The following TFCP2L1 variants were observed in gnomAD, a reference collection of about 807,000 sequenced individuals.
TFCP2L1 encodes the protein transcription factor CP2-like protein 1.
TFCP2L1 carries 12 observed loss-of-function variants against 72.2 expected under a neutral mutation model. The observed-to-expected ratio is 0.17, with a 90% CI of 0.11 to 0.27. The LOEUF (loss-of-function observed/expected upper bound fraction) is 0.27. TFCP2L1 is among the 10% of genes least tolerant of loss of function. TFCP2L1 has a pLI of 1.00. For synonymous variants in TFCP2L1, 260 were observed against 251.0 expected, an observed-to-expected ratio of 1.04 and a Z score of -0.34; for missense variants, 488 against 624.6, an observed-to-expected ratio of 0.78 and a Z score of 2.33.
At chr2:121,264,202 TTCCACTTGCTCATA>T (rs1378604210) in intron 2 of TFCP2L1, among the ~76,000 whole-genome samples, 2 of 152,154 alleles carry the variant, frequency 1.3e-5, no homozygotes, top group African/African-American at 4.8e-5. Context: ...GCCACTGGCT[TTCCACTTGCTCATA>T]TCCAACCCCC....
chr2:121,275,559 G>C (rs1411628037), intron 2 of TFCP2L1, among the ~76,000 whole-genome samples: 1 of 147,006 alleles, frequency 6.8e-6, no homozygotes, highest in Non-Finnish European at 1.5e-5. Flanking sequence ...AAAAAGTATA[G>C]AAGTAAGTCT....
intron 2 of TFCP2L1, among the ~76,000 whole-genome samples, chr2:121,273,714 G>A (rs1476561819): frequency 6.6e-6 from 1 of 152,190 alleles, no homozygotes; most frequent in South Asian, 2.1e-4. Flanking sequence ...CAAGGAAGGG[G>A]AGAGGACCTG....
intron 11 of TFCP2L1, among the ~76,000 whole-genome samples, chr2:121,234,595 C>T (rs575590855): frequency 1.8e-4 from 27 of 152,336 alleles, no homozygotes; most frequent in African/African-American, 6.3e-4. Context: ...CTTCACTGCA[C>T]AGCACCTAAG....
At chr2:121,248,415 C>T (rs560744400) in intron 4 of TFCP2L1, 145 bp from the exon 5 acceptor site, 27 of 631,818 alleles carry the variant, frequency 4.3e-5, no homozygotes, top group Admixed American at 2.6e-4. Context: ...ACTTACTGGA[C>T]GGAAAGCCTG....
At chr2:121,248,905 G>GTATCATTAAAAA in intron 4 of TFCP2L1, 77 bp downstream of exon 4, 1 of 1,193,070 alleles carries the variant, frequency 8.4e-7, no homozygotes, top group South Asian at 1.6e-5. Flanking sequence ...GCATAGGTCC[G>GTATCATTAAAAA]GGTGGCATCC....
chr2:121,236,073 T>C (rs1338857785), intron 10 of TFCP2L1, among the ~76,000 whole-genome samples: 1 of 152,222 alleles, frequency 6.6e-6, no homozygotes, highest in Non-Finnish European at 1.5e-5. Flanking sequence ...GGTGCATTTG[T>C]GTGGAATGTA....
At chr2:121,274,372 A>G (rs796167621) in intron 2 of TFCP2L1, among the ~76,000 whole-genome samples, 11 of 152,304 alleles carry the variant, frequency 7.2e-5, no homozygotes, top group African/African-American at 2.4e-4. Context: ...ACGTGACCCC[A>G]CATATTGTCC....
chr2:121,266,461 A>G (rs116215214), intron 2 of TFCP2L1, among the ~76,000 whole-genome samples: 2,662 of 152,230 alleles, frequency 0.017, 71 homozygotes, highest in African/African-American at 0.062. Context: ...AAAGTTTATT[A>G]AACCAGGGTC....
intron 2 of TFCP2L1, among the ~76,000 whole-genome samples, chr2:121,267,559 T>C (rs1216156782): frequency 6.6e-6 from 1 of 151,820 alleles, no homozygotes; most frequent in Non-Finnish European, 1.5e-5. Flanking sequence ...AGTGGCGCGA[T>C]CTCGACTCAC....
rs573492602 is a variant in TFCP2L1 at position 121,237,924 on chromosome 2, C to T, written c.861-74G>A. ...AATGGCCACGGTCCCGGCACCCAGC[C>T]TGGCACTTTTACTTCCTATCAGATG... On this transcript the variant is annotated intron_variant, in intron 8 of 14. Transcript: ENST00000263707. 2.0e-6 allele frequency: 3 copies of T among 1,524,176 alleles called. No individual in the cohort carries two copies. The South Asian group carries it at 3.5e-5, about 18-fold the overall frequency. The allele number at this position is 1,524,176 out of a possible 1,614,324, so 94.4% of individuals were successfully genotyped here. A position where few individuals can be genotyped will look rare whatever the true frequency, so the allele number is the denominator to read the frequency against.
Position 121,221,805 on chromosome 2 carries a change from A to G in TFCP2L1, c.*2536T>C, listed in dbSNP as rs1260221473. On this transcript the variant is annotated 3_prime_UTR_variant, in exon 15 of 15. Coordinates refer to ENST00000263707, the MANE Select transcript of TFCP2L1 (RefSeq NM_014553.3). ...TTGTGTCTCAAAGGACACCAACAAG[A>G]AACTGAAAACAATCCACAGAAGGGG... 2.6e-5 allele frequency: 4 copies of G among 152,242 alleles called. No individual in the cohort carries two copies. The highest frequency in any genetic ancestry group is 2.6e-4 in the Admixed American group (4 of 15,292). The allele number at this position is 152,242 out of a possible 1,614,324, so 9.4% of individuals were successfully genotyped here.
rs188320265 is a variant in TFCP2L1 at position 121,266,976 on chromosome 2, G to A, written c.214+14144C>T. Among the ~76,000 whole-genome samples, 293 of 151,822 alleles carry A rather than the reference G, an allele frequency of 1.9e-3. 1 individual carries two copies. Among genetic ancestry groups the A allele is most frequent in the African/African-American group, 6.8e-3 (282 of 41,386 alleles). On this transcript the variant is annotated intron_variant, in intron 2 of 14. Coordinates refer to ENST00000263707, the MANE Select transcript of TFCP2L1 (RefSeq NM_014553.3). ...TGCTCAGACTGGAGTGCAGTGGCAT[G>A]AGCTTTGCTCACGGCAATCTCTGCC...
At position 121,224,174 on chromosome 2, in the gene TFCP2L1, G is replaced by A. The variant is rs746506314; in HGVS notation, c.*167C>T. On this transcript the variant is annotated 3_prime_UTR_variant, in exon 15 of 15. Coordinates refer to ENST00000263707, the MANE Select transcript of TFCP2L1 (RefSeq NM_014553.3). ...TGGCTTTCTGTACACCGTACTTGGT[G>A]TCCACAGGCTTCTGCTGGTTGGTGC... is the stretch of plus-strand genomic sequence containing the variant. The A allele has an allele frequency of 1.5e-6, 1 of 680,502 alleles. No homozygotes were observed. Among genetic ancestry groups the A allele is most frequent in the Non-Finnish European group, 2.5e-6 (1 of 398,854 alleles). The allele number at this position is 680,502 out of a possible 1,614,324, so 42.2% of individuals were successfully genotyped here. A position where few individuals can be genotyped will look rare whatever the true frequency, so the allele number is the denominator to read the frequency against.
At chr2:121,276,542 A>T (rs1687150475) in intron 2 of TFCP2L1, among the ~76,000 whole-genome samples, 1 of 151,462 alleles carries the variant, frequency 6.6e-6, no homozygotes, top group Admixed American at 6.6e-5. Flanking sequence ...CTGAGGTAGG[A>T]GGATCCCCTG....
chr2:121,240,082 T>G (rs1267796410), intron 7 of TFCP2L1: 1 of 985,214 alleles, frequency 1.0e-6, no homozygotes, highest in Non-Finnish European at 1.2e-6. Context: ...AAATAAGCAG[T>G]AAGAGTCAGT....
intron 2 of TFCP2L1, among the ~76,000 whole-genome samples, chr2:121,272,626 CAA>C (rs1347488332): frequency 2.0e-5 from 3 of 152,158 alleles, no homozygotes; most frequent in Admixed American, 6.5e-5. Flanking sequence ...TAAAAATCAG[CAA>C]AAGTTATCAA....
intron 2 of TFCP2L1, among the ~76,000 whole-genome samples, chr2:121,251,277 C>T (rs892332158): frequency 6.6e-6 from 1 of 151,644 alleles, no homozygotes; most frequent in Non-Finnish European, 1.5e-5. Flanking sequence ...AAAAAAAGTA[C>T]ATTAAAGTCC....
intron 5 of TFCP2L1, among the ~76,000 whole-genome samples, 191 bp from the exon 6 acceptor site, chr2:121,247,161 A>G (rs928141228): frequency 6.1e-4 from 92 of 152,030 alleles, no homozygotes; most frequent in Middle Eastern, 3.4e-3. Flanking sequence ...CTGCCTGCAA[A>G]AGACATACAC....
intron 2 of TFCP2L1, among the ~76,000 whole-genome samples, chr2:121,270,490 T>G (rs1469991221): frequency 3.3e-5 from 5 of 152,146 alleles, no homozygotes; most frequent in Admixed American, 1.3e-4. Flanking sequence ...CTATTTTCAC[T>G]CCCGCTTAAA....
Sources: gnomAD v4.1 joint callset for allele counts (sites outside exome capture counted in the v4.1 genomes callset) on GRCh38, gnomAD v4.1.1 for gene constraint, MANE v1.5 for transcripts, NCBI Gene and HGNC (gene_info 2026-07-23, HGNC 2026-07-21) for gene names.